Variants in DMKN observed in about 807,000 individuals in gnomAD.
DMKN encodes the protein dermokine, also known as epidermis-specific secreted protein SK30/SK89.
DMKN carries 58 observed loss-of-function variants against 67.6 expected under a neutral mutation model. The observed-to-expected ratio is 0.86, with a 90% confidence interval of 0.69 to 1.07. DMKN has a LOEUF of 1.07. Ranked by LOEUF, DMKN falls within the 50% of genes least tolerant of loss-of-function variation. DMKN has a pLI of 0.00. For missense variants in DMKN, 596 were observed against 601.5 expected (o/e 0.99, Z 0.10); for synonymous variants, 240 against 232.3 (o/e 1.03, Z -0.30).
intron 10 of DMKN, among the ~76,000 whole-genome samples, chr19:35,502,413 GA>G (rs1443701040): frequency 6.6e-6 from 1 of 152,032 alleles, no homozygotes; most frequent in East Asian, 1.9e-4. Flanking sequence ...TGAAGAGGGG[GA>G]GTTGGCTGGG....
intron 13 of DMKN, among the ~76,000 whole-genome samples, chr19:35,499,613 G>A (rs767367932): frequency 6.6e-6 from 1 of 152,200 alleles, no homozygotes; most frequent in Non-Finnish European, 1.5e-5. Flanking sequence ...GAGGGAACCT[G>A]TGAGGAAGAG....
rs760080749 is a variant in DMKN, at chr19:35,500,548, T to C, written c.1272A>G (p.Ala424=). The C allele has an allele frequency of 1.2e-6, 2 of 1,612,788 alleles. No homozygotes were observed. Among genetic ancestry groups the C allele is most frequent in the Non-Finnish European group, 1.7e-6 (2 of 1,179,466 alleles). ...AGAGACTCACCTGATCGTCTCTGCC[T>C]GCACGTTTCTGCAGTGATGACGCGT... is the stretch of plus-strand genomic sequence containing the variant. ...GADASSLQKR[A]GRDDQNYNYN... The change falls in exon 12 of 16, where the codon GCA becomes GCG. Residue 424 remains alanine, a synonymous_variant. Transcript: ENST00000339686.
chr19:35,502,759 C>T (rs11084816), intron 10 of DMKN, 71 bp downstream of exon 10: 358,547 of 1,545,088 alleles, frequency 0.23, 44,886 homozygotes, highest in East Asian at 0.45. Context: ...AGGGTGGCTG[C>T]CTTGAGGGAG....
intron 7 of DMKN, chr19:35,509,615 C>G (rs982820018): frequency 5.7e-6 from 2 of 349,786 alleles, no homozygotes; most frequent in Non-Finnish European, 1.0e-5. Context: ...GTCTGTTCCC[C>G]GGCTGGATAG....
Position 35,503,218 on chromosome 19 carries a change from T to A in DMKN, c.1135-332A>T, listed in dbSNP as rs369121003. The A allele has an allele frequency of 3.0e-4, 435 of 1,443,048 alleles. 2 individuals carry two copies. Among genetic ancestry groups the A allele is most frequent in the Middle Eastern group, 2.2e-3 (10 of 4,474 alleles). The allele number at this position is 1,443,048 out of a possible 1,614,324, so 89.4% of individuals were successfully genotyped here. A position where few individuals can be genotyped will look rare whatever the true frequency, so the allele number is the denominator to read the frequency against. On this transcript the variant is annotated intron_variant, in intron 9 of 15. Transcript: ENST00000339686. ...CACCTGCCGGGCCTCCTCCAGCCCG[T>A]TTCCCGAAGCTGTGGGGCTGCAGCC...
chr19:35,500,969 G>A (rs531942303), intron 11 of DMKN, among the ~76,000 whole-genome samples: 1 of 152,182 alleles, frequency 6.6e-6, no homozygotes, highest in African/African-American at 2.4e-5. Context: ...CCTGCACACC[G>A]ACGCCATGCC....
At chr19:35,505,820 G>T in intron 8 of DMKN, 55 bp from the exon 9 acceptor site, 1 of 1,613,434 alleles carries the variant, frequency 6.2e-7, no homozygotes, top group South Asian at 1.1e-5. Flanking sequence ...GTAATTGGCC[G>T]AGAGAGGTCA....
chr19:35,510,909 G>T (rs1163271598), intron 5 of DMKN, among the ~76,000 whole-genome samples: 1 of 152,146 alleles, frequency 6.6e-6, no homozygotes, highest in Non-Finnish European at 1.5e-5. Context: ...GCAGCTGCGG[G>T]GTCACAGCGC....
At chr19:35,500,069 G>A (rs756726861) in intron 12 of DMKN, 40 bp from the exon 13 acceptor site, 32 of 1,609,552 alleles carry the variant, frequency 2.0e-5, no homozygotes, top group South Asian at 1.5e-4. Context: ...ACAGACGGAC[G>A]AAGGCCATTT....
intron 7 of DMKN, chr19:35,507,734 A>G (rs2069858606): frequency 1.8e-6 from 1 of 549,098 alleles, no homozygotes. Context: ...GTGGCTGCTC[A>G]CTTACGATGT....
intron 7 of DMKN, chr19:35,507,497 C>A: frequency 6.4e-7 from 1 of 1,551,512 alleles, no homozygotes; most frequent in South Asian, 1.2e-5. Flanking sequence ...GGCGATTGCC[C>A]TCTTTGCTTA....
rs149670759 is a variant in DMKN, at chr19:35,511,511, C to T, written c.818G>A (p.Ser273Asn). 2.0e-6 allele frequency: 3 copies of T among 1,512,388 alleles called. No homozygotes were observed. Among genetic ancestry groups the T allele is most frequent in the African/African-American group, 3.0e-5 (2 of 66,180 alleles). 93.7% of individuals were successfully genotyped at this position (1,512,388 alleles called of 1,614,324 possible). A position where few individuals can be genotyped will look rare whatever the true frequency, so the allele number is the denominator to read the frequency against. The change falls in exon 5 of 16, where the codon AGC becomes AAC. Residue 273 changes from serine to asparagine, a missense_variant. Ser to Asn is a conservative substitution (Grantham distance 46, BLOSUM62 1). Transcript: ENST00000339686. ...GCTGCCGCCACTGCTGCTGCCACTGCTGCTGCCACCACTGCTGCTGCCATT... is the reference window on the plus strand; with the variant it reads ...GCTGCCGCCACTGCTGCTGCCACTGTTGCTGCCACCACTGCTGCTGCCATT... ...NNNGSSSGGS[S>N]SGSSSGGSSG...
chr19:35,513,055 C>A lies in DMKN; in HGVS notation c.421G>T (p.Ala141Ser). ...GCAGCCCCACAGCCACTCACCCAAG[C>A]ACCATTGTGGCCAGGCACCCCCTGC... Reference protein sequence around the residue: ...SWQGVPGHNGAWETSGGHGIF... With the variant: ...SWQGVPGHNGSWETSGGHGIF... The change falls in exon 1 of 16, where the codon GCT becomes TCT. Residue 141 changes from alanine (A) to serine (S), a missense_variant. Transcript: ENST00000339686. 1 of 1,613,564 alleles carries A rather than the reference C, an allele frequency of 6.2e-7. No individual in the cohort carries two copies. Among genetic ancestry groups the A allele is most frequent in the Non-Finnish European group, 8.5e-7 (1 of 1,179,986 alleles).
intron 7 of DMKN, chr19:35,509,660 C>G: frequency 2.1e-6 from 1 of 474,054 alleles, no homozygotes; most frequent in Non-Finnish European, 3.8e-6. Context: ...CTAAAAGGAC[C>G]GGTTTACATG....
chr19:35,499,083 G>A, intron 13 of DMKN, 186 bp from the exon 14 acceptor site: 2 of 761,642 alleles, frequency 2.6e-6, no homozygotes, highest in Non-Finnish European at 4.3e-6. Flanking sequence ...ATCATCCTGA[G>A]TGCACTTGAT....
rs2069504907 is a variant in DMKN at position 35,506,312 on chromosome 19, G to C, written c.1039-326C>G. ...GGCTTCCTGTCCTCCTCTCTATAAAGCTGCCTTCTCTTCCTTACACAGCAC... is the reference window on the plus strand; with the variant it reads ...GGCTTCCTGTCCTCCTCTCTATAAACCTGCCTTCTCTTCCTTACACAGCAC... On this transcript the variant is annotated intron_variant, in intron 7 of 15. Transcript: ENST00000339686. The C allele has an allele frequency of 1.5e-5, 14 of 955,180 alleles. No homozygotes were observed. The South Asian group carries it at 2.2e-4, about 15-fold the overall frequency. 59.2% of individuals were successfully genotyped at this position (955,180 alleles called of 1,614,324 possible).
Position 35,512,459 on chromosome 19 carries a change from C to T in DMKN, c.646G>A (p.Gly216Ser), listed in dbSNP as rs1305765484. 10 of 1,614,106 alleles carry T rather than the reference C, an allele frequency of 6.2e-6. No homozygotes were observed. Among genetic ancestry groups the T allele is most frequent in the Non-Finnish European group, 8.5e-6 (10 of 1,180,056 alleles). The part of the protein sequence containing the change: ...TNTQGAVAQP[G>S]YGSVRASNQN... ...TTGCTGGCTCTCACTGAACCATAGCCAGGCTGGGCCACAGCTCCCTGCAGA... is the reference window on the plus strand; with the variant it reads ...TTGCTGGCTCTCACTGAACCATAGCTAGGCTGGGCCACAGCTCCCTGCAGA... Residue 216 changes from glycine (G) to serine (S), a missense_variant, in exon 3 of 16, where the codon GGC becomes AGC. Gly to Ser is a moderately conservative substitution (Grantham distance 56). Coordinates refer to ENST00000339686, the MANE Select transcript of DMKN (RefSeq NM_033317.5).
At chr19:35,507,243 A>T in intron 7 of DMKN, 1 of 486,922 alleles carries the variant, frequency 2.1e-6, no homozygotes, top group Non-Finnish European at 3.7e-6. Context: ...CAAAAGTAAC[A>T]TGGCTCCGAT....
chr19:35,503,407 T>A, intron 9 of DMKN: 1 of 1,551,152 alleles, frequency 6.4e-7, no homozygotes, highest in Non-Finnish European at 8.7e-7. Context: ...ATCTGGTGGC[T>A]CCTTGTCTGG....
Sources: gnomAD v4.1 joint callset for allele counts (sites outside exome capture counted in the v4.1 genomes callset) on GRCh38, gnomAD v4.1.1 for gene constraint, MANE v1.5 for transcripts, NCBI Gene and HGNC (gene_info 2026-07-23, HGNC 2026-07-21) for gene names.